The following BLCAP variants were observed in gnomAD, a reference collection of about 807,000 sequenced individuals.
BLCAP encodes apoptosis inducing factor BLCAP.
BLCAP carries 1 observed loss-of-function variant against 5.7 expected under a neutral mutation model. That is an observed-to-expected ratio of 0.18 (90% CI 0.06 to 0.83). The LOEUF is 0.83. BLCAP is among the 40% of genes least tolerant of loss of function. The pLI is 0.71. For missense variants in BLCAP, 66 were observed against 107.6 expected, an observed-to-expected ratio of 0.61 and a Z score of 1.71; for synonymous variants, 48 against 49.4, an observed-to-expected ratio of 0.97 and a Z score of 0.11.
At chr20:37,527,183 C>T (rs2071736900) in intron 1 of BLCAP, 1 of 152,160 alleles carries the variant, frequency 6.6e-6, no homozygotes, top group Non-Finnish European at 1.5e-5. Flanking sequence ...TTCAGCTGCC[C>T]TTGAGGGCCA....
rs373604883 is a variant in BLCAP at position 37,521,424 on chromosome 20, G to A, written c.-176-2074C>T. 2.6e-5 allele frequency: 42 copies of A among 1,612,780 alleles called. No homozygotes were observed. In the African/African-American group the frequency reaches 3.9e-4, roughly 15 times the overall value. On this transcript the variant is annotated intron_variant, in intron 1 of 1. Coordinates refer to ENST00000373537, the MANE Select transcript of BLCAP (RefSeq NM_006698.4). This position sits in a 1 kb window ranked among gnomAD's most constrained non-coding sequence, Gnocchi z 4.5. ...TGCAGGTAAGTCTGACGGGGTTTCG[G>A]GTGGGAGAGGGTTCCCAACTCGCGC...
chr20:37,517,500 C>T lies in BLCAP; in HGVS notation c.*1411G>A, dbSNP rs954006185. 1.3e-5 allele frequency: 2 copies of T among 152,588 alleles called. No homozygotes were observed. Among genetic ancestry groups the T allele is most frequent in the African/African-American group, 4.8e-5 (2 of 41,442 alleles). The allele number at this position is 152,588 out of a possible 1,614,324, so 9.5% of individuals were successfully genotyped here. ...AAAAGCTCTAGAATAGCAGTCCAGA[C>T]GTTTCACAAGTATGGCCTCACAGTC... On this transcript the variant is annotated 3_prime_UTR_variant, in exon 2 of 2. Transcript: ENST00000373537.
intron 1 of BLCAP, among the ~76,000 whole-genome samples, chr20:37,525,369 C>A (rs1461065396): frequency 6.6e-6 from 1 of 152,214 alleles, no homozygotes; most frequent in Non-Finnish European, 1.5e-5. Flanking sequence ...CTGCTCTGGA[C>A]ACAGCACCTC....
At chr20:37,526,048 G>A (rs1298804922) in intron 1 of BLCAP, among the ~76,000 whole-genome samples, 1 of 152,172 alleles carries the variant, frequency 6.6e-6, no homozygotes, top group Non-Finnish European at 1.5e-5. Context: ...AGGGTGCTAT[G>A]TGACACTGTT....
In BLCAP at chr20:37,521,217, G is replaced by T; in HGVS notation, c.-176-1867C>A. The T allele has an allele frequency of 2.9e-6, 3 of 1,045,994 alleles. No homozygotes were observed. Among genetic ancestry groups the T allele is most frequent in the Admixed American group, 3.5e-5 (2 of 57,194 alleles). 64.8% of individuals were successfully genotyped at this position (1,045,994 alleles called of 1,614,324 possible). A position where few individuals can be genotyped will look rare whatever the true frequency, so the allele number is the denominator to read the frequency against. On this transcript the variant is annotated intron_variant, in intron 1 of 1. Coordinates refer to ENST00000373537, the MANE Select transcript of BLCAP (RefSeq NM_006698.4). The surrounding 1 kb of genome is among the most constrained non-coding windows in gnomAD (Gnocchi z 4.5). The stretch of plus-strand genomic sequence containing the variant: ...GCGCATGCGCACTTAGGTGGCGGGC[G>T]GGTACTTAAGGCGCGGCCACCGCGG...
intron 1 of BLCAP, among the ~76,000 whole-genome samples, chr20:37,526,271 T>TCCCCCCCCCCCCCCC (rs11477433): frequency 1.6e-5 from 2 of 125,182 alleles, no homozygotes; most frequent in Non-Finnish European, 1.7e-5. Context: ...GCAGTTAACT[T>TCCCCCCCCCCCCCCC]CCCCCCCCCA....
chr20:37,519,272 T>G lies in BLCAP; in HGVS notation c.-98A>C. On this transcript the variant is annotated 5_prime_UTR_variant, in exon 2 of 2. Coordinates refer to ENST00000373537, the MANE Select transcript of BLCAP (RefSeq NM_006698.4). ...GGGCGCAGGCGGCTGCCCTCCGCTTTCTTCAACCCTCACTCTCCAGGAGCT... is the reference window on the plus strand; with the variant it reads ...GGGCGCAGGCGGCTGCCCTCCGCTTGCTTCAACCCTCACTCTCCAGGAGCT... 1 of 1,391,424 alleles carries G rather than the reference T, an allele frequency of 7.2e-7. No individual in the cohort carries two copies. 86.2% of individuals were successfully genotyped at this position (1,391,424 alleles called of 1,614,324 possible). A position where few individuals can be genotyped will look rare whatever the true frequency, so the allele number is the denominator to read the frequency against.
chr20:37,521,538 C>G lies in BLCAP; in HGVS notation c.-176-2188G>C. ...GCGATCCTTGCCTGCCCAAGTGCCGCTGCCGGCACCGCGCGCCCCCTGCCC... is the reference window on the plus strand; with the variant it reads ...GCGATCCTTGCCTGCCCAAGTGCCGGTGCCGGCACCGCGCGCCCCCTGCCC... On this transcript the variant is annotated intron_variant, in intron 1 of 1. Coordinates refer to ENST00000373537, the MANE Select transcript of BLCAP (RefSeq NM_006698.4). The surrounding 1 kb of genome is among the most constrained non-coding windows in gnomAD (Gnocchi z 4.5). 1.1e-6 allele frequency: 1 copy of G among 881,910 alleles called. No homozygotes were observed. Among genetic ancestry groups the G allele is most frequent in the Non-Finnish European group, 1.8e-6 (1 of 553,206 alleles). 54.6% of individuals were successfully genotyped at this position (881,910 alleles called of 1,614,324 possible). A position where few individuals can be genotyped will look rare whatever the true frequency, so the allele number is the denominator to read the frequency against.
chr20:37,523,633 C>T (rs2071667488), intron 1 of BLCAP: 1 of 152,644 alleles, frequency 6.6e-6, no homozygotes, highest in South Asian at 2.1e-4. Flanking sequence ...AAAAAAAGTA[C>T]CTCCCCTGTC....
rs2071573990 is a variant in BLCAP, at chr20:37,521,542, C to T, written c.-176-2192G>A. ...TCCTTGCCTGCCCAAGTGCCGCTGC[C>T]GGCACCGCGCGCCCCCTGCCCATTC... On this transcript the variant is annotated intron_variant, in intron 1 of 1. Coordinates refer to ENST00000373537, the MANE Select transcript of BLCAP (RefSeq NM_006698.4). The surrounding 1 kb of genome is among the most constrained non-coding windows in gnomAD (Gnocchi z 4.5). 1.8e-5 allele frequency: 15 copies of T among 825,362 alleles called. No homozygotes were observed. Among genetic ancestry groups the T allele is most frequent in the South Asian group, 1.7e-4 (11 of 63,730 alleles). 51.1% of individuals were successfully genotyped at this position (825,362 alleles called of 1,614,324 possible). A position where few individuals can be genotyped will look rare whatever the true frequency, so the allele number is the denominator to read the frequency against.
In BLCAP at chr20:37,521,633, G is replaced by A. The variant is rs555702138; in HGVS notation, c.-176-2283C>T. 3 of 540,176 alleles carry A rather than the reference G, an allele frequency of 5.6e-6. No homozygotes were observed. The highest frequency in any genetic ancestry group is 6.4e-5 in the East Asian group (2 of 31,166). The allele number at this position is 540,176 out of a possible 1,614,324, so 33.5% of individuals were successfully genotyped here. On this transcript the variant is annotated intron_variant, in intron 1 of 1. Transcript: ENST00000373537. The surrounding 1 kb of genome is among the most constrained non-coding windows in gnomAD (Gnocchi z 4.5). ...CGCGCCTGCCAGGGAACAAAGACTC[G>A]GGGCGCGGCGGGCGACCGCTGCGGA...
intron 1 of BLCAP, chr20:37,523,634 C>A (rs2147193608): frequency 6.5e-6 from 1 of 152,768 alleles, no homozygotes; most frequent in East Asian, 1.9e-4. Context: ...AAAAAAGTAC[C>A]TCCCCTGTCT....
At chr20:37,522,362 T>C in intron 1 of BLCAP, 1 of 1,613,762 alleles carries the variant, frequency 6.2e-7, no homozygotes, top group Non-Finnish European at 8.5e-7. Context: ...TTCAAGGTGT[T>C]CCTGGAATGC....
At chr20:37,523,025 CCT>C (rs749607184) in intron 1 of BLCAP, 183 of 435,460 alleles carry the variant, frequency 4.2e-4, no homozygotes, top group Non-Finnish European at 6.6e-4. Flanking sequence ...GGAGCAGACC[CCT>C]GAGATCTGGG....
intron 1 of BLCAP, among the ~76,000 whole-genome samples, chr20:37,519,940 C>T (rs551907344): frequency 3.3e-5 from 5 of 152,242 alleles, no homozygotes; most frequent in Non-Finnish European, 7.3e-5. Flanking sequence ...AGATGGCAGC[C>T]TAGGCTAAGC....
Position 37,522,197 on chromosome 20 carries a change from A to AT in BLCAP, c.-176-2848dup, listed in dbSNP as rs1491182169. 9.4e-4 allele frequency among the ~76,000 whole-genome samples: 8 copies of AT among 8,496 alleles called. No homozygotes were observed. The Non-Finnish European group carries it at 9.8e-3, about 10-fold the overall frequency. The allele number at this position is 8,496 out of a possible 152,430, so 5.6% of individuals were successfully genotyped here. ...TTGCTTTACAAAAAAAAAAATAATA[A>AT]TAAAAAAAATAAAAAAGAGGCAAAA... On this transcript the variant is annotated intron_variant, in intron 1 of 1. Transcript: ENST00000373537.
In BLCAP at chr20:37,521,942, T is replaced by C. The variant is rs924639621; in HGVS notation, c.-176-2592A>G. 1.4e-5 allele frequency among the ~76,000 whole-genome samples: 2 copies of C among 140,954 alleles called. No homozygotes were observed. Among genetic ancestry groups the C allele is most frequent in the Non-Finnish European group, 3.1e-5 (2 of 64,960 alleles). 92.5% of individuals were successfully genotyped at this position (140,954 alleles called of 152,430 possible). A position where few individuals can be genotyped will look rare whatever the true frequency, so the allele number is the denominator to read the frequency against. On this transcript the variant is annotated intron_variant, in intron 1 of 1. Transcript: ENST00000373537. This position sits in a 1 kb window ranked among gnomAD's most constrained non-coding sequence, Gnocchi z 4.5. ...ACCCTACAACGAATTAGAGAAAAAG[T>C]AGTTCACAGGAAAACAGAAAAACGC...
At chr20:37,522,411 A>G in intron 1 of BLCAP, 1 of 1,614,026 alleles carries the variant, frequency 6.2e-7, no homozygotes, top group Non-Finnish European at 8.5e-7. Flanking sequence ...GAAATCCTCC[A>G]GGGACACAGC....
Position 37,518,751 on chromosome 20 carries a change from T to A in BLCAP, c.*160A>T. 1 of 1,010,754 alleles carries A rather than the reference T, an allele frequency of 9.9e-7. No individual in the cohort carries two copies. Among genetic ancestry groups the A allele is most frequent in the African/African-American group, 1.6e-5 (1 of 61,882 alleles). 62.6% of individuals were successfully genotyped at this position (1,010,754 alleles called of 1,614,324 possible). A position where few individuals can be genotyped will look rare whatever the true frequency, so the allele number is the denominator to read the frequency against. On this transcript the variant is annotated 3_prime_UTR_variant, in exon 2 of 2. Transcript: ENST00000373537. ...ACAATAAAAGCACCGGTCAGTGCCA[T>A]TATTCACATTGTAAGGATAAAACAT... is the stretch of plus-strand genomic sequence containing the variant.
Sources: allele counts gnomAD v4.1 joint callset (sites outside exome capture counted in the v4.1 genomes callset), GRCh38; gene constraint gnomAD v4.1.1; non-coding constraint Gnocchi (gnomAD v3.1); transcripts MANE v1.5; gene names NCBI Gene and HGNC (gene_info 2026-07-23, HGNC 2026-07-21).